Variants in CPNE4 observed in about 807,000 individuals in gnomAD.
The protein encoded by CPNE4 is copine 4.
In CPNE4, 25 loss-of-function variants were observed where a neutral mutation model predicts 67.9. That is an observed-to-expected ratio of 0.37 (90% CI 0.27 to 0.51). The LOEUF (loss-of-function observed/expected upper bound fraction) is 0.51. CPNE4 is among the 20% of genes least tolerant of loss of function. The pLI is 0.93. For missense variants in CPNE4, 464 were observed against 690.8 expected (o/e 0.67, Z 3.68); for synonymous variants, 242 against 244.9 (o/e 0.99, Z 0.11).
intron 1 of CPNE4, among the ~76,000 whole-genome samples, chr3:131,996,621 G>C (rs902747012): frequency 1.3e-5 from 2 of 151,992 alleles, no homozygotes; most frequent in Admixed American, 1.3e-4. Flanking sequence ...CCTCCACTTA[G>C]ATATCATCTA....
intron 1 of CPNE4, among the ~76,000 whole-genome samples, chr3:131,972,828 G>A (rs1312586375): frequency 6.6e-6 from 1 of 152,116 alleles, no homozygotes; most frequent in Non-Finnish European, 1.5e-5. Context: ...GGGAAGGCTG[G>A]ACCAGATGTT....
intron 7 of CPNE4, among the ~76,000 whole-genome samples, chr3:131,649,546 A>ATTGT (rs2079755738): frequency 6.6e-6 from 1 of 152,214 alleles, no homozygotes; most frequent in Admixed American, 6.5e-5. Flanking sequence ...AACTGGCTTT[A>ATTGT]TTCTTTCTAA....
At chr3:132,023,613 G>A (rs999337876) in intron 1 of CPNE4, among the ~76,000 whole-genome samples, 10 of 148,338 alleles carry the variant, frequency 6.7e-5, no homozygotes, top group East Asian at 2.1e-4. Context: ...TCAGCCTCCC[G>A]AGTAGCTGGG....
intron 1 of CPNE4, among the ~76,000 whole-genome samples, chr3:131,914,661 T>C (rs1271051996): frequency 6.6e-6 from 1 of 152,148 alleles, no homozygotes; most frequent in Non-Finnish European, 1.5e-5. Flanking sequence ...AAACATATAA[T>C]GTTCTATAAT....
intron 7 of CPNE4, among the ~76,000 whole-genome samples, chr3:131,597,446 A>C (rs532940961): frequency 6.6e-6 from 1 of 152,296 alleles, no homozygotes; most frequent in South Asian, 2.1e-4. Flanking sequence ...TGTAACCCGG[A>C]ACTTAAAGTA....
intron 2 of CPNE4, among the ~76,000 whole-genome samples, chr3:131,812,745 G>A (rs1156464005): frequency 6.6e-6 from 1 of 152,202 alleles, no homozygotes; most frequent in Non-Finnish European, 1.5e-5. Context: ...AGGCAGACTT[G>A]TAGACTGAAA....
intron 2 of CPNE4, among the ~76,000 whole-genome samples, chr3:131,897,760 C>T (rs970707606): frequency 1.3e-5 from 2 of 151,898 alleles, no homozygotes; most frequent in African/African-American, 4.8e-5. Context: ...GGTGTGGTGG[C>T]ATGTGCCTAT....
intron 1 of CPNE4, among the ~76,000 whole-genome samples, chr3:132,001,355 G>T (rs2073425600): frequency 6.6e-6 from 1 of 151,936 alleles, no homozygotes; most frequent in Non-Finnish European, 1.5e-5. Context: ...CAAGTATGAT[G>T]AGTACATAAT....
intron 1 of CPNE4, among the ~76,000 whole-genome samples, chr3:131,963,342 G>GTT (rs879924457): frequency 1.4e-5 from 2 of 147,830 alleles, no homozygotes; most frequent in African/African-American, 2.5e-5. Context: ...GCTAGCTGCA[G>GTT]TTTTTTTTTT....
chr3:131,968,331 T>C (rs954186289), intron 1 of CPNE4, among the ~76,000 whole-genome samples: 69 of 152,038 alleles, frequency 4.5e-4, no homozygotes, highest in African/African-American at 1.6e-3. Context: ...CCAAAAGCAA[T>C]TACAACAAAG....
intron 7 of CPNE4, among the ~76,000 whole-genome samples, chr3:131,589,465 G>A (rs1055354949): frequency 6.6e-6 from 1 of 152,194 alleles, no homozygotes; most frequent in Admixed American, 6.5e-5. Context: ...GCTAGCAGCC[G>A]ATTGGATAGT....
chr3:131,762,339 T>C (rs572490217), intron 2 of CPNE4, among the ~76,000 whole-genome samples: 1 of 152,204 alleles, frequency 6.6e-6, no homozygotes, highest in East Asian at 1.9e-4. Flanking sequence ...ATTTGCCAAG[T>C]TGTATATTAA....
At chr3:132,030,096 C>T (rs1255816293) in intron 1 of CPNE4, among the ~76,000 whole-genome samples, 2 of 151,982 alleles carry the variant, frequency 1.3e-5, no homozygotes, top group African/African-American at 2.4e-5. Context: ...CCTCCTAACA[C>T]TCTAATGGAG....
rs184280374 is a variant in CPNE4, at chr3:131,771,117, C to T, written c.181-47492G>A. ...TTAAGCTCCATGAAAGTAAGAAGCA[C>T]GTCTGACTTCTTTAATGCTATATCC... On this transcript the variant is annotated intron_variant, in intron 2 of 15. Coordinates refer to ENST00000429747, the MANE Select transcript of CPNE4 (RefSeq NM_130808.3). 3.3e-5 allele frequency among the ~76,000 whole-genome samples: 5 copies of T among 152,196 alleles called. No homozygotes were observed. The East Asian group carries it at 5.8e-4, about 18-fold the overall frequency.
At chr3:131,640,680 T>C (rs2079518107) in intron 7 of CPNE4, among the ~76,000 whole-genome samples, 1 of 151,866 alleles carries the variant, frequency 6.6e-6, no homozygotes, top group Non-Finnish European at 1.5e-5. Context: ...AAAATTCATA[T>C]AGAACCAAAA....
At chr3:131,701,247 GA>G (rs1037111552) in intron 3 of CPNE4, among the ~76,000 whole-genome samples, 8 of 146,978 alleles carry the variant, frequency 5.4e-5, no homozygotes, top group South Asian at 2.2e-4. Context: ...GTACAATTAA[GA>G]AAAAAAAAAG....
chr3:131,911,543 TTGTGTGTGTGTGTGTGTGTG>T (rs3041573), intron 1 of CPNE4, among the ~76,000 whole-genome samples: 17 of 146,066 alleles, frequency 1.2e-4, no homozygotes, highest in African/African-American at 3.8e-4. Context: ...GCACTCCAAG[TTGTGTGTGTGTGTGTGTGTG>T]TGTGTGTGTG....
chr3:131,545,304 A>G (rs78733009), intron 14 of CPNE4, among the ~76,000 whole-genome samples: 2,067 of 152,316 alleles, frequency 0.014, 72 homozygotes, highest in East Asian at 0.12. Flanking sequence ...ATTGAAAAAC[A>G]GTTTAGTTTA....
intron 7 of CPNE4, among the ~76,000 whole-genome samples, chr3:131,657,811 G>A (rs148288054): frequency 2.0e-5 from 3 of 151,498 alleles, no homozygotes; most frequent in South Asian, 2.1e-4. Flanking sequence ...TGATCTGCCC[G>A]CCTCAGCCTT....
Sources: gnomAD v4.1 joint callset for allele counts (sites outside exome capture counted in the v4.1 genomes callset) on GRCh38, gnomAD v4.1.1 for gene constraint, MANE v1.5 for transcripts, NCBI Gene and HGNC (gene_info 2026-07-23, HGNC 2026-07-21) for gene names.